PIGU: variants seen among roughly 807,000 people sequenced by gnomAD.
PIGU encodes the protein phosphatidylinositol glycan anchor biosynthesis class U.
PIGU carries 24 observed loss-of-function variants against 49.9 expected under a neutral mutation model. The observed-to-expected ratio is 0.48, with a 90% CI of 0.35 to 0.68. The LOEUF is 0.68. PIGU is among the 30% of genes least tolerant of loss of function. PIGU has a pLI of 0.01. For synonymous variants in PIGU, 220 were observed against 205.7 expected, an observed-to-expected ratio of 1.07 and a Z score of -0.59; for missense variants, 490 against 532.6, an observed-to-expected ratio of 0.92 and a Z score of 0.79.
At position 34,631,785 on chromosome 20, in the gene PIGU, ATTTTTTTTTTTTTTTTTTTT is replaced by A. The variant is rs1166878990; in HGVS notation, c.529+2810_529+2829del. On this transcript the variant is annotated intron_variant, in intron 6 of 11. Transcript: ENST00000217446. ...TATATATATATATATATATATATATATTTTTTTTTTTTTTTTTTTTTTTTTTTTTTTAGTAGAGACGGGGT... is the reference window on the plus strand; with the variant it reads ...TATATATATATATATATATATATATATTTTTTTTTTTAGTAGAGACGGGGT... Among the ~76,000 whole-genome samples, 38 of 6,438 alleles carry A rather than the reference ATTTTTTTTTTTTTTTTTTTT, an allele frequency of 5.9e-3. 4 individuals carry two copies. Among genetic ancestry groups the A allele is most frequent in the Admixed American group, 0.023 (9 of 396 alleles). 4.2% of individuals were successfully genotyped at this position (6,438 alleles called of 152,430 possible). A position where few individuals can be genotyped will look rare whatever the true frequency, so the allele number is the denominator to read the frequency against.
chr20:34,571,146 C>T (rs2146695412), intron 11 of PIGU, among the ~76,000 whole-genome samples: 1 of 152,346 alleles, frequency 6.6e-6, no homozygotes, highest in South Asian at 2.1e-4. Flanking sequence ...AAGAAATCCA[C>T]TGGTCTCAAT....
chr20:34,654,833 C>T lies in PIGU; in HGVS notation c.195+2347G>A, dbSNP rs550732721. 3.5e-5 allele frequency among the ~76,000 whole-genome samples: 4 copies of T among 115,178 alleles called. 1 individual carries two copies. Among genetic ancestry groups the T allele is most frequent in the Non-Finnish European group, 7.3e-5 (4 of 54,472 alleles). 75.6% of individuals were successfully genotyped at this position (115,178 alleles called of 152,430 possible). A position where few individuals can be genotyped will look rare whatever the true frequency, so the allele number is the denominator to read the frequency against. ...CAGCCTGGCCAATATGGTGAAACCC[C>T]GTCTCCACTAAAAATACAAAAATTA... is the stretch of plus-strand genomic sequence containing the variant. On this transcript the variant is annotated intron_variant, in intron 2 of 11. Coordinates refer to ENST00000217446, the MANE Select transcript of PIGU (RefSeq NM_080476.5).
intron 6 of PIGU, among the ~76,000 whole-genome samples, chr20:34,622,794 C>T (rs567249669): frequency 6.6e-6 from 1 of 152,262 alleles, no homozygotes; most frequent in African/African-American, 2.4e-5. Flanking sequence ...GATGCACAGG[C>T]ACTAGGCTTT....
chr20:34,661,225 G>A (rs970680918), intron 1 of PIGU, among the ~76,000 whole-genome samples: 6 of 151,946 alleles, frequency 3.9e-5, no homozygotes, highest in Non-Finnish European at 7.4e-5. Flanking sequence ...CAAATTTTCT[G>A]GGGGTTGAGG....
intron 7 of PIGU, among the ~76,000 whole-genome samples, chr20:34,602,614 A>G (rs1984468695): frequency 6.6e-6 from 1 of 152,248 alleles, no homozygotes; most frequent in Non-Finnish European, 1.5e-5. Context: ...AAACAAAAAA[A>G]TAAAATGTAT....
chr20:34,581,820 G>A, intron 9 of PIGU, 148 bp from the exon 10 acceptor site: 1 of 1,104,146 alleles, frequency 9.1e-7, no homozygotes, highest in African/African-American at 1.6e-5. Flanking sequence ...CATGGGCCAG[G>A]CCCCAGTAGC....
intron 10 of PIGU, among the ~76,000 whole-genome samples, chr20:34,577,014 G>T (rs1264655575): frequency 6.6e-6 from 1 of 152,148 alleles, no homozygotes; most frequent in Non-Finnish European, 1.5e-5. Context: ...TTTGTGAGGG[G>T]AGGGCTACTA....
intron 2 of PIGU, among the ~76,000 whole-genome samples, chr20:34,646,845 C>T (rs1986363307): frequency 6.6e-6 from 1 of 151,074 alleles, no homozygotes; most frequent in South Asian, 2.1e-4. Flanking sequence ...TTTTTTGAGA[C>T]AGACTCTCGC....
At chr20:34,633,897 G>C (rs570186198) in intron 6 of PIGU, among the ~76,000 whole-genome samples, 1 of 152,158 alleles carries the variant, frequency 6.6e-6, no homozygotes, top group South Asian at 2.1e-4. Context: ...CACTGTCCAT[G>C]ATGGGAGTGC....
At chr20:34,611,648 G>GAAA (rs146531122) in intron 7 of PIGU, among the ~76,000 whole-genome samples, 2 of 64,990 alleles carry the variant, frequency 3.1e-5, no homozygotes, top group African/African-American at 5.6e-5. Context: ...TCAAGTCTCA[G>GAAA]AAAAAAAAAA....
chr20:34,660,622 A>C (rs1053609374), intron 1 of PIGU, among the ~76,000 whole-genome samples: 16 of 152,212 alleles, frequency 1.1e-4, no homozygotes, highest in African/African-American at 3.9e-4. Context: ...CCTCAGTCTA[A>C]CTGTGAGAAG....
intron 1 of PIGU, among the ~76,000 whole-genome samples, chr20:34,661,817 AT>A (rs1226252711): frequency 2.0e-5 from 3 of 152,146 alleles, no homozygotes; most frequent in African/African-American, 7.2e-5. Flanking sequence ...GGCTGAATTA[AT>A]TTATATTCCC....
intron 1 of PIGU, among the ~76,000 whole-genome samples, chr20:34,659,367 G>A (rs1174302284): frequency 3.5e-5 from 5 of 141,306 alleles, no homozygotes; most frequent in South Asian, 2.2e-4. Flanking sequence ...CTGCCCGGCC[G>A]CCCCTACTGG....
intron 9 of PIGU, among the ~76,000 whole-genome samples, chr20:34,582,053 C>T (rs529068714): frequency 6.6e-6 from 1 of 152,308 alleles, no homozygotes; most frequent in African/African-American, 2.4e-5. Context: ...TAGGCAGCCT[C>T]CCTTGCCAGA....
Position 34,676,971 on chromosome 20 carries a change from T to A in PIGU, c.115A>T (p.Ser39Cys). 1 of 1,576,694 alleles carries A rather than the reference T, an allele frequency of 6.3e-7. No homozygotes were observed. The highest frequency in any genetic ancestry group is 8.6e-7 in the Non-Finnish European group (1 of 1,162,278). ...GTGGCCTCACCTCTCTTCCAAGAGC[T>A]CAGTGGGGACACCACCTCCACCCGC... The part of the protein sequence containing the change: ...SERVEVVSPL[S>C]SWKRVVEGLS... The change falls in exon 1 of 12, where the codon AGC becomes TGC. Residue 39 changes from serine to cysteine, a missense_variant. Transcript: ENST00000217446.
intron 5 of PIGU, among the ~76,000 whole-genome samples, chr20:34,637,623 T>C (rs1443703089): frequency 4.6e-5 from 7 of 152,198 alleles, no homozygotes; most frequent in African/African-American, 1.7e-4. Context: ...CAGATCAGCA[T>C]GGAGTCAAAA....
At chr20:34,610,586 T>C (rs6058091) in intron 7 of PIGU, among the ~76,000 whole-genome samples, 128,965 of 152,178 alleles carry the variant, frequency 0.85, 54,842 homozygotes, top group Admixed American at 0.92. Context: ...AAATTCCTTG[T>C]TCATGGATAG....
At chr20:34,611,316 T>C (rs961926211) in intron 7 of PIGU, among the ~76,000 whole-genome samples, 3 of 151,742 alleles carry the variant, frequency 2.0e-5, no homozygotes, top group East Asian at 1.9e-4. Context: ...CTGACAAAGG[T>C]CTAATATCCA....
Position 34,634,718 on chromosome 20 carries a change from G to A in PIGU, c.429-3C>T. The A allele has an allele frequency of 6.2e-7, 1 of 1,610,928 alleles. No individual in the cohort carries two copies. The highest frequency in any genetic ancestry group is 1.1e-5 in the South Asian group (1 of 90,974). On this transcript the variant is annotated splice_region_variant and splice_polypyrimidine_tract_variant and intron_variant, in intron 5 of 11. Coordinates refer to ENST00000217446, the MANE Select transcript of PIGU (RefSeq NM_080476.5). ...TCGTGTAAGGATTTAAGAGATAGCT[G>A]GGGAAGAACAAACATATTTGGCATT...
Sources: gnomAD v4.1 joint callset for allele counts (sites outside exome capture counted in the v4.1 genomes callset) on GRCh38, gnomAD v4.1.1 for gene constraint, MANE v1.5 for transcripts, NCBI Gene and HGNC (gene_info 2026-07-23, HGNC 2026-07-21) for gene names.